CNNM2: variants seen among roughly 807,000 people sequenced by gnomAD.
CNNM2 encodes metal transporter CNNM2.
CNNM2 carries 12 observed loss-of-function variants against 66.9 expected under a neutral mutation model. The observed-to-expected ratio is 0.18, with a 90% CI of 0.11 to 0.29. CNNM2 has a LOEUF of 0.29. CNNM2 is among the 10% of genes least tolerant of loss of function. CNNM2 has a pLI of 1.00. For synonymous variants in CNNM2, 557 were observed against 501.8 expected (o/e 1.11, Z -1.47); for missense variants, 705 against 1,167.7 (o/e 0.60, Z 5.77).
At chr10:103,073,507 C>A (rs144943776) in intron 6 of CNNM2, among the ~76,000 whole-genome samples, 1 of 152,114 alleles carries the variant, frequency 6.6e-6, no homozygotes, top group Admixed American at 6.5e-5. Context: ...ACTGCATGTG[C>A]AAAACCTTGG....
intron 1 of CNNM2, among the ~76,000 whole-genome samples, chr10:103,002,425 T>C (rs1273678505): frequency 2.0e-5 from 3 of 149,606 alleles, no homozygotes; most frequent in Admixed American, 6.7e-5. Flanking sequence ...ACGGCTATAA[T>C]AGAAAAAGAT....
At chr10:102,943,097 C>A (rs1422103259) in intron 1 of CNNM2, among the ~76,000 whole-genome samples, 1 of 152,094 alleles carries the variant, frequency 6.6e-6, no homozygotes, top group Non-Finnish European at 1.5e-5. Flanking sequence ...TGGTGGCACA[C>A]TCCTGTAATC....
Position 103,076,166 on chromosome 10 carries a change from A to G in CNNM2, c.2314A>G (p.Thr772Ala). The change falls in exon 7 of 8, where the codon ACA becomes GCA. Residue 772 changes from threonine to alanine, a missense_variant. Transcript: ENST00000369878. Reference sequence around the variant, plus strand: ...TCGAAGCGACCGGATTGACGCCGTCACACCAACACTGGGGAGCAGCAATAA... The same window carrying G: ...TCGAAGCGACCGGATTGACGCCGTCGCACCAACACTGGGGAGCAGCAATAA... Reference protein sequence around the residue: ...LSRSDRIDAVTPTLGSSNNQL... With the variant: ...LSRSDRIDAVAPTLGSSNNQL... 1 of 1,606,982 alleles carries G rather than the reference A, an allele frequency of 6.2e-7. No homozygotes were observed. The highest frequency in any genetic ancestry group is 8.5e-7 in the Non-Finnish European group (1 of 1,176,874).
chr10:102,996,057 T>C (rs1347014076), intron 1 of CNNM2, among the ~76,000 whole-genome samples: 1 of 152,232 alleles, frequency 6.6e-6, no homozygotes, highest in African/African-American at 2.4e-5. Context: ...CCAATTTGTG[T>C]GTATAGAATT....
In CNNM2 at chr10:102,931,858, A is replaced by G. The variant is rs560900905; in HGVS notation, c.1621+11757A>G. Among the ~76,000 whole-genome samples the G allele has an allele frequency of 2.0e-5, 3 of 151,972 alleles. No homozygotes were observed. The East Asian group carries it at 5.8e-4, about 29-fold the overall frequency. On this transcript the variant is annotated intron_variant, in intron 1 of 7. Transcript: ENST00000369878. The stretch of plus-strand genomic sequence containing the variant: ...CACTTGTTATTGTTAAAAAAAAAAA[A>G]AAAAAAAAGAATGCCATCCTAGTGA...
chr10:103,052,662 C>T (rs950045499), intron 2 of CNNM2, among the ~76,000 whole-genome samples: 14 of 151,974 alleles, frequency 9.2e-5, no homozygotes, highest in Admixed American at 9.2e-4. Flanking sequence ...TACAGGCACC[C>T]GCCATCACAC....
At chr10:102,977,916 G>A (rs2063661349) in intron 1 of CNNM2, among the ~76,000 whole-genome samples, 1 of 151,698 alleles carries the variant, frequency 6.6e-6, no homozygotes, top group South Asian at 2.1e-4. Context: ...CTATTTTGTT[G>A]TTGTTGTCGT....
At chr10:103,038,951 G>GA (rs1318154451) in intron 1 of CNNM2, among the ~76,000 whole-genome samples, 3 of 151,570 alleles carry the variant, frequency 2.0e-5, no homozygotes, top group Non-Finnish European at 4.4e-5. Flanking sequence ...AATTCAATTG[G>GA]AAAAAATGTA....
Position 102,918,674 on chromosome 10 carries a change from C to T in CNNM2, c.194C>T (p.Ala65Val), listed in dbSNP as rs1273981014. ...TGCTGCGGTGCGGGCGGCTGCGCAG[C>T]GGTGGGCGAGAATGAGGAGACGGTG... is the stretch of plus-strand genomic sequence containing the variant. ...SCCCGAGGCA[A>V]VGENEETVII... The change falls in exon 1 of 8, where the codon GCG becomes GTG. Residue 65 changes from alanine to valine, a missense_variant. By Grantham distance (64) the Ala-to-Val change is moderately conservative. Transcript: ENST00000369878. This position sits in a 1 kb window ranked among gnomAD's most constrained non-coding sequence, Gnocchi z 4.1. 1.3e-6 allele frequency: 2 copies of T among 1,551,866 alleles called. No individual in the cohort carries two copies. Among genetic ancestry groups the T allele is most frequent in the Non-Finnish European group, 1.7e-6 (2 of 1,148,356 alleles).
rs979347057 is a variant in CNNM2, at chr10:103,090,001, C to T, written c.*12821C>T. 2 of 935,122 alleles carry T rather than the reference C, an allele frequency of 2.1e-6. No individual in the cohort carries two copies. Among genetic ancestry groups the T allele is most frequent in the Non-Finnish European group, 3.2e-6 (2 of 632,652 alleles). 57.9% of individuals were successfully genotyped at this position (935,122 alleles called of 1,614,324 possible). A position where few individuals can be genotyped will look rare whatever the true frequency, so the allele number is the denominator to read the frequency against. ...CCCTCTCCTCTGTTAGGTGGCCATG[C>T]AATTACATCTATAATGGACCACAGG... On this transcript the variant is annotated 3_prime_UTR_variant, in exon 8 of 8. Transcript: ENST00000369878.
chr10:103,005,611 T>C (rs2064210207), intron 1 of CNNM2, among the ~76,000 whole-genome samples: 1 of 152,144 alleles, frequency 6.6e-6, no homozygotes, highest in South Asian at 2.1e-4. Flanking sequence ...ACCGCACCAC[T>C]GCACTCCAAC....
chr10:103,011,644 C>G (rs1249111757), intron 1 of CNNM2, among the ~76,000 whole-genome samples: 1 of 125,004 alleles, frequency 8.0e-6, no homozygotes, highest in Non-Finnish European at 1.7e-5. Context: ...GTAATACTTG[C>G]ACTGTGTGTG....
Position 102,948,879 on chromosome 10 carries a change from T to TACTG in CNNM2, c.1621+28779_1621+28780insCTGA, listed in dbSNP as rs140891082. Among the ~76,000 whole-genome samples the TACTG allele has an allele frequency of 0.31, 47,187 of 151,428 alleles. 7,391 individuals carry two copies. The highest frequency in any genetic ancestry group is 0.37 in the Middle Eastern group (108 of 290). On this transcript the variant is annotated intron_variant, in intron 1 of 7. Transcript: ENST00000369878. ...GCTTTACCAACCCCCCTTTCAATGA[T>TACTG]AGAGAGAGAGAGGCAAAATATAGAT...
intron 1 of CNNM2, among the ~76,000 whole-genome samples, chr10:102,967,923 G>A (rs1166829369): frequency 2.6e-5 from 4 of 152,154 alleles, no homozygotes; most frequent in Non-Finnish European, 4.4e-5. Context: ...CAGGAGAATC[G>A]CTTGAACCTG....
chr10:102,999,647 C>T (rs1052443332), intron 1 of CNNM2, among the ~76,000 whole-genome samples: 2 of 151,998 alleles, frequency 1.3e-5, no homozygotes, highest in Non-Finnish European at 2.9e-5. Context: ...CCAGGCTGCC[C>T]TTCCCCCCCC....
At chr10:103,029,715 A>C (rs1001758317) in intron 1 of CNNM2, among the ~76,000 whole-genome samples, 4 of 151,480 alleles carry the variant, frequency 2.6e-5, no homozygotes, top group Non-Finnish European at 5.9e-5. Flanking sequence ...TACAAAAAAA[A>C]ATTAGCCAGG....
Position 103,089,678 on chromosome 10 carries a change from T to TTTC in CNNM2, c.*12499_*12500insTCT. 6.4e-7 allele frequency: 1 copy of TTTC among 1,560,016 alleles called. No homozygotes were observed. Among genetic ancestry groups the TTTC allele is most frequent in the Non-Finnish European group, 8.8e-7 (1 of 1,141,652 alleles). On this transcript the variant is annotated 3_prime_UTR_variant, in exon 8 of 8. Transcript: ENST00000369878. ...GGGGTTTTGGTTTTCCTCCTTATTC[T>TTTC]TCCTCCTCCTCCTCCTCTTCATCAT...
chr10:103,067,380 G>A (rs2134357969), intron 4 of CNNM2, among the ~76,000 whole-genome samples: 1 of 152,232 alleles, frequency 6.6e-6, no homozygotes, highest in African/African-American at 2.4e-5. Context: ...CTAGCATCCT[G>A]ATGAAGAGCT....
At chr10:102,948,045 C>T (rs1197340092) in intron 1 of CNNM2, among the ~76,000 whole-genome samples, 1 of 152,052 alleles carries the variant, frequency 6.6e-6, no homozygotes, top group Non-Finnish European at 1.5e-5. Context: ...GAGCGAGACT[C>T]CCTCTCAAAA....
Sources: allele counts gnomAD v4.1 joint callset (sites outside exome capture counted in the v4.1 genomes callset), GRCh38; gene constraint gnomAD v4.1.1; non-coding constraint Gnocchi (gnomAD v3.1); transcripts MANE v1.5; gene names NCBI Gene and HGNC (gene_info 2026-07-23, HGNC 2026-07-21).